SHTN1: variants seen among roughly 807,000 people sequenced by gnomAD.
SHTN1 encodes shootin 1.
A neutral mutation model predicts 83.1 loss-of-function variants in SHTN1; 42 were observed. That is an observed-to-expected ratio of 0.51 (90% CI 0.39 to 0.65). The LOEUF is 0.65. SHTN1 is among the 30% of genes least tolerant of loss of function. The pLI is 0.00. For synonymous variants in SHTN1, 224 were observed against 247.7 expected (o/e 0.90, Z 0.90); for missense variants, 622 against 737.8 (o/e 0.84, Z 1.82).
At chr10:116,942,413 A>G (rs1377981609) in intron 8 of SHTN1, among the ~76,000 whole-genome samples, 1 of 151,896 alleles carries the variant, frequency 6.6e-6, no homozygotes, top group Non-Finnish European at 1.5e-5. Flanking sequence ...GGGTTTCACT[A>G]TGTTGGCCAG....
intron 1 of SHTN1, among the ~76,000 whole-genome samples, chr10:117,084,992 G>C (rs542029371): frequency 2.0e-5 from 3 of 151,992 alleles, no homozygotes; most frequent in Admixed American, 2.0e-4. Flanking sequence ...GAAATCACCC[G>C]TCTTCTGGGT....
intron 9 of SHTN1, among the ~76,000 whole-genome samples, chr10:116,934,437 T>C (rs1849081155): frequency 6.6e-6 from 1 of 152,224 alleles, no homozygotes; most frequent in Admixed American, 6.5e-5. Context: ...CCTTTCTCCA[T>C]TGCTTGTTTT....
At chr10:117,034,341 G>C (rs1450257037) in intron 2 of SHTN1, among the ~76,000 whole-genome samples, 1 of 152,060 alleles carries the variant, frequency 6.6e-6, no homozygotes, top group Non-Finnish European at 1.5e-5. Context: ...TAAAGTTGCA[G>C]GATACAAAAT....
chr10:116,917,938 C>A (rs1848433606), intron 12 of SHTN1, among the ~76,000 whole-genome samples: 1 of 152,226 alleles, frequency 6.6e-6, no homozygotes, highest in African/African-American at 2.4e-5. Context: ...GTTAGCTACA[C>A]AAGCTTTCTC....
At chr10:116,998,420 TGA>T (rs375326690) in intron 1 of SHTN1, among the ~76,000 whole-genome samples, 15 of 150,840 alleles carry the variant, frequency 9.9e-5, no homozygotes, top group African/African-American at 3.2e-4. Flanking sequence ...CAAGATATTT[TGA>T]GAGAGAGAGA....
At chr10:117,065,875 A>AG in intron 1 of SHTN1, among the ~76,000 whole-genome samples, 1 of 34,980 alleles carries the variant, frequency 2.9e-5, no homozygotes, top group African/African-American at 1.1e-4. Flanking sequence ...GGAGGGAGGG[A>AG]GGGAGGTGGG....
intron 1 of SHTN1, among the ~76,000 whole-genome samples, chr10:116,982,405 A>C (rs1351060861): frequency 6.6e-6 from 1 of 152,158 alleles, no homozygotes; most frequent in East Asian, 1.9e-4. Flanking sequence ...ACCATAAACA[A>C]CACATACACA....
intron 1 of SHTN1, among the ~76,000 whole-genome samples, chr10:117,072,172 C>T (rs1853090269): frequency 6.6e-6 from 1 of 152,172 alleles, no homozygotes; most frequent in South Asian, 2.1e-4. Context: ...CTACATCTTT[C>T]TCCTGTGCTG....
chr10:116,901,879 G>A lies in SHTN1; in HGVS notation c.1559C>T (p.Ala520Val), dbSNP rs77995805. Residue 520 changes from alanine (A) to valine (V), a missense_variant, in exon 16 of 17, where the codon GCC (alanine) becomes GTC (valine). Around this residue, in one of 3 missense-constraint regions of SHTN1, gnomAD observed 231 missense variants for 251.6 expected, o/e 0.92. Transcript: ENST00000355371. ...TGCCTCCAGAGTTTTCTTGTTCAAG[G>A]CTGTTTTTGTTACACTGGATACAGA... ...LGSVSSVTKT[A>V]LNKKTLEAEF... 1.9e-6 allele frequency: 3 copies of A among 1,608,130 alleles called. No homozygotes were observed. The highest frequency in any genetic ancestry group is 2.5e-6 in the Non-Finnish European group (3 of 1,178,188).
rs545218031 is a variant in SHTN1 at position 116,891,194 on chromosome 10, C to T, written c.1674-4628G>A. ...ACATTACAGTGAATGAACTTTTAAGCGGTGAGAGTTATTTTATAAAATGCT... is the reference window on the plus strand; with the variant it reads ...ACATTACAGTGAATGAACTTTTAAGTGGTGAGAGTTATTTTATAAAATGCT... On this transcript the variant is annotated intron_variant, in intron 16 of 16. Transcript: ENST00000355371. Among the ~76,000 whole-genome samples the T allele has an allele frequency of 9.6e-4, 146 of 152,270 alleles. 2 individuals are homozygous for T. In the South Asian group the frequency reaches 0.028, roughly 30 times the overall value.
At chr10:116,923,429 G>A (rs1180930305) in intron 11 of SHTN1, among the ~76,000 whole-genome samples, 1 of 152,152 alleles carries the variant, frequency 6.6e-6, no homozygotes, top group Non-Finnish European at 1.5e-5. Flanking sequence ...CAGTCCTGAG[G>A]AAGCCAGCAA....
chr10:116,993,409 A>G (rs1219125041), intron 1 of SHTN1, among the ~76,000 whole-genome samples: 1 of 152,138 alleles, frequency 6.6e-6, no homozygotes, highest in Non-Finnish European at 1.5e-5. Context: ...AGCAATGAGC[A>G]CTCGTAAATT....
intron 2 of SHTN1, among the ~76,000 whole-genome samples, chr10:117,040,975 T>A (rs1369291118): frequency 6.6e-6 from 1 of 152,088 alleles, no homozygotes; most frequent in Non-Finnish European, 1.5e-5. Flanking sequence ...TACTTTAAGT[T>A]TTAAGGTACA....
At chr10:117,098,322 AG>A (rs1276075645) in intron 1 of SHTN1, among the ~76,000 whole-genome samples, 2 of 144,708 alleles carry the variant, frequency 1.4e-5, no homozygotes, top group East Asian at 4.3e-4. Flanking sequence ...GCGTGAACCC[AG>A]GGGGCGGAGC....
At chr10:117,090,087 C>T (rs1041512533) in intron 1 of SHTN1, among the ~76,000 whole-genome samples, 1 of 152,088 alleles carries the variant, frequency 6.6e-6, no homozygotes, top group African/African-American at 2.4e-5. Flanking sequence ...AGCAGAGTCT[C>T]AAAGAGATAT....
intron 13 of SHTN1, among the ~76,000 whole-genome samples, chr10:116,913,969 C>T (rs764273605): frequency 3.9e-5 from 6 of 152,344 alleles, no homozygotes; most frequent in Non-Finnish European, 8.8e-5. Context: ...ACATTTCATC[C>T]TTTACTTAGA....
intron 1 of SHTN1, among the ~76,000 whole-genome samples, chr10:117,065,720 A>G (rs1202084796): frequency 7.9e-5 from 4 of 50,370 alleles, no homozygotes; most frequent in African/African-American, 1.7e-4. Flanking sequence ...AGAGAGAGAG[A>G]GAGAGATGAA....
At chr10:117,013,216 C>G (rs1295624897) in intron 2 of SHTN1, among the ~76,000 whole-genome samples, 2 of 151,906 alleles carry the variant, frequency 1.3e-5, no homozygotes, top group Non-Finnish European at 2.9e-5. Context: ...GCTCTGTGTC[C>G]CAGGCTGGAG....
At chr10:116,960,763 T>C (rs1005991426) in intron 3 of SHTN1, among the ~76,000 whole-genome samples, 6 of 152,224 alleles carry the variant, frequency 3.9e-5, no homozygotes, top group Non-Finnish European at 5.9e-5. Context: ...GTTACTGCTA[T>C]TTCATAAGTA....
Sources: allele counts gnomAD v4.1 joint callset (sites outside exome capture counted in the v4.1 genomes callset), GRCh38; gene constraint gnomAD v4.1.1; regional missense constraint gnomAD v4.1.1; transcripts MANE v1.5; gene names NCBI Gene and HGNC (gene_info 2026-07-23, HGNC 2026-07-21).